Variants in PLXDC2 observed in about 807,000 individuals in gnomAD.
PLXDC2 encodes plexin domain containing 2.
A neutral mutation model predicts 68.9 loss-of-function variants in PLXDC2; 40 were observed. The observed-to-expected ratio is 0.58, with a 90% CI of 0.45 to 0.76. PLXDC2 has a LOEUF of 0.76. PLXDC2 is among the 30% of genes least tolerant of loss of function. PLXDC2 has a pLI of 0.00. For synonymous variants in PLXDC2, 243 were observed against 234.2 expected (o/e 1.04, Z -0.34); for missense variants, 644 against 661.9 (o/e 0.97, Z 0.30).
intron 4 of PLXDC2, among the ~76,000 whole-genome samples, chr10:20,127,108 A>T (rs901833110): frequency 6.6e-6 from 1 of 152,040 alleles, no homozygotes; most frequent in Non-Finnish European, 1.5e-5. Context: ...AGAAGGAAGG[A>T]ATAGACTCTC....
Position 20,041,416 on chromosome 10 carries a change from T to C in PLXDC2, c.325-5453T>C, listed in dbSNP as rs577428265. ...GCTTATTGAATTTTTTTCCTCCATA[T>C]AGATAACTCAATTTATCTTTCTAGA... On this transcript the variant is annotated intron_variant, in intron 2 of 13. Transcript: ENST00000377252. 7.4e-4 allele frequency among the ~76,000 whole-genome samples: 112 copies of C among 152,292 alleles called. 1 individual carries two copies. Among genetic ancestry groups the C allele is most frequent in the Non-Finnish European group, 1.4e-3 (96 of 68,010 alleles).
chr10:20,131,004 C>T (rs1177771072), intron 4 of PLXDC2, among the ~76,000 whole-genome samples: 1 of 152,066 alleles, frequency 6.6e-6, no homozygotes, highest in Non-Finnish European at 1.5e-5. Flanking sequence ...AAAGAGTTTG[C>T]AAGTGTTTCT....
At chr10:20,037,110 A>T (rs888529082) in intron 2 of PLXDC2, among the ~76,000 whole-genome samples, 1 of 152,206 alleles carries the variant, frequency 6.6e-6, no homozygotes, top group African/African-American at 2.4e-5. Context: ...ACTCCTTCCT[A>T]TACAGACTAA....
chr10:20,127,441 G>A (rs1025123023), intron 4 of PLXDC2, among the ~76,000 whole-genome samples: 7 of 152,124 alleles, frequency 4.6e-5, no homozygotes, highest in Admixed American at 2.0e-4. Context: ...TAAACCAGAG[G>A]CTGGATTTTG....
chr10:20,157,551 C>T (rs574073947), intron 6 of PLXDC2, among the ~76,000 whole-genome samples: 2 of 152,138 alleles, frequency 1.3e-5, no homozygotes, highest in Admixed American at 1.3e-4. Context: ...ATGTAAAAAG[C>T]TCATGGTTAA....
intron 9 of PLXDC2, among the ~76,000 whole-genome samples, chr10:20,191,803 T>C (rs1834769371): frequency 6.6e-6 from 1 of 152,024 alleles, no homozygotes; most frequent in Non-Finnish European, 1.5e-5. Flanking sequence ...ACTTAAAGTA[T>C]AATAATAAAA....
intron 2 of PLXDC2, among the ~76,000 whole-genome samples, chr10:20,039,194 G>A (rs1228629938): frequency 6.6e-6 from 1 of 152,152 alleles, no homozygotes; most frequent in Non-Finnish European, 1.5e-5. Context: ...GAATGTAGCT[G>A]TGTGTCCAGT....
At chr10:20,128,589 A>G (rs746838722) in intron 4 of PLXDC2, among the ~76,000 whole-genome samples, 1 of 152,164 alleles carries the variant, frequency 6.6e-6, no homozygotes, top group African/African-American at 2.4e-5. Flanking sequence ...TATGCTATAT[A>G]TGAGATCTCC....
intron 9 of PLXDC2, among the ~76,000 whole-genome samples, chr10:20,206,237 A>G (rs1275440490): frequency 6.6e-6 from 1 of 152,188 alleles, no homozygotes; most frequent in Non-Finnish European, 1.5e-5. Flanking sequence ...GACCAAGCCA[A>G]AATACTAACT....
intron 1 of PLXDC2, among the ~76,000 whole-genome samples, chr10:19,884,923 G>A (rs1037098135): frequency 3.1e-4 from 47 of 152,226 alleles, no homozygotes; most frequent in African/African-American, 7.2e-4. Context: ...CTGAGGAGTC[G>A]CCACACTGAC....
chr10:19,823,182 C>G, intron 1 of PLXDC2, among the ~76,000 whole-genome samples: 1 of 151,974 alleles, frequency 6.6e-6, no homozygotes, highest in African/African-American at 2.4e-5. Context: ...TCCCAAAGTG[C>G]TGGGATGTTT....
intron 4 of PLXDC2, among the ~76,000 whole-genome samples, chr10:20,096,312 G>T (rs1833348971): frequency 6.6e-6 from 1 of 152,014 alleles, no homozygotes; most frequent in South Asian, 2.1e-4. Flanking sequence ...ACTAATTGTG[G>T]AATTATTACC....
intron 3 of PLXDC2, among the ~76,000 whole-genome samples, chr10:20,067,855 C>T (rs1245567214): frequency 6.6e-6 from 1 of 152,176 alleles, no homozygotes; most frequent in African/African-American, 2.4e-5. Flanking sequence ...CTAACATGCT[C>T]TACTATTTTG....
intron 6 of PLXDC2, among the ~76,000 whole-genome samples, chr10:20,151,033 A>T (rs1160416737): frequency 6.6e-6 from 1 of 151,962 alleles, no homozygotes; most frequent in Non-Finnish European, 1.5e-5. Flanking sequence ...TTACTTTATT[A>T]TTTACTTTAC....
chr10:19,972,041 A>G (rs968914252), intron 1 of PLXDC2, among the ~76,000 whole-genome samples: 4 of 152,166 alleles, frequency 2.6e-5, no homozygotes, highest in African/African-American at 9.7e-5. Flanking sequence ...ATGGGAGAGC[A>G]GTTCATTATA....
At chr10:20,142,556 T>C (rs112260211) in intron 4 of PLXDC2, among the ~76,000 whole-genome samples, 3,866 of 152,188 alleles carry the variant, frequency 0.025, 66 homozygotes, top group South Asian at 0.067. Flanking sequence ...ATAGGAGCTA[T>C]TGAAAGTTAA....
chr10:19,883,029 T>C (rs1291225190), intron 1 of PLXDC2, among the ~76,000 whole-genome samples: 1 of 150,456 alleles, frequency 6.6e-6, no homozygotes, highest in Non-Finnish European at 1.5e-5. Context: ...CGATCTCGGC[T>C]CACTACAAGC....
At chr10:19,988,258 A>T (rs1245417099) in intron 1 of PLXDC2, among the ~76,000 whole-genome samples, 1 of 152,236 alleles carries the variant, frequency 6.6e-6, no homozygotes, top group African/African-American at 2.4e-5. Context: ...AGCTTCCAGG[A>T]AAGATTAAGA....
intron 1 of PLXDC2, among the ~76,000 whole-genome samples, chr10:19,908,840 C>T (rs952862770): frequency 6.6e-6 from 1 of 152,020 alleles, no homozygotes; most frequent in African/African-American, 2.4e-5. Flanking sequence ...TAAAGAGAGG[C>T]CCCAGAAAGC....
Sources: gnomAD v4.1 joint callset for allele counts (sites outside exome capture counted in the v4.1 genomes callset) on GRCh38, gnomAD v4.1.1 for gene constraint, MANE v1.5 for transcripts, NCBI Gene and HGNC (gene_info 2026-07-23, HGNC 2026-07-21) for gene names.